The following VWC2L variants were observed in gnomAD, a reference collection of about 807,000 sequenced individuals.
The protein encoded by VWC2L is von Willebrand factor C domain containing 2 like.
In VWC2L, 10 loss-of-function variants were observed where a neutral mutation model predicts 21.6. The ratio of observed to expected loss-of-function variants is 0.46; its 90% confidence interval spans 0.29 to 0.78. VWC2L has a LOEUF of 0.78. Among genes scored for constraint, VWC2L ranks in the 30% least tolerant of loss-of-function variants. VWC2L has a pLI of 0.10. For synonymous variants in VWC2L, 96 were observed against 94.3 expected (o/e 1.02, Z -0.10); for missense variants, 209 against 277.1 (o/e 0.75, Z 1.74).
At chr2:214,506,790 AT>A (rs1285503240) in intron 3 of VWC2L, among the ~76,000 whole-genome samples, 2 of 152,162 alleles carry the variant, frequency 1.3e-5, no homozygotes, top group African/African-American at 4.8e-5. Flanking sequence ...CAATAAAAAT[AT>A]TTCTAAAGAT....
At chr2:214,414,607 TTGAAA>T in intron 2 of VWC2L, 24 bp downstream of exon 2, 2 of 1,598,432 alleles carry the variant, frequency 1.3e-6, no homozygotes, top group Non-Finnish European at 1.7e-6. Flanking sequence ...TCCATATTTA[TTGAAA>T]TATCAACTTT....
intron 3 of VWC2L, among the ~76,000 whole-genome samples, chr2:214,527,795 A>G (rs1243672831): frequency 6.6e-6 from 1 of 152,340 alleles, no homozygotes; most frequent in East Asian, 1.9e-4. Context: ...GACATTAAGT[A>G]ATACATTAAT....
chr2:214,530,496 T>C lies in VWC2L; in HGVS notation c.521-45176T>C, dbSNP rs1005194485. ...CCCATGGCAGCTGATCCTTTATTAA[T>C]AACACATTCTTAGCACTGACAAAGC... On this transcript the variant is annotated intron_variant, in intron 3 of 3. Transcript: ENST00000312504. Among the ~76,000 whole-genome samples the C allele has an allele frequency of 2.6e-5, 4 of 152,162 alleles. 1 individual carries two copies. Among genetic ancestry groups the C allele is most frequent in the Admixed American group, 1.3e-4 (2 of 15,268 alleles).
chr2:214,500,670 G>T (rs187592343), intron 3 of VWC2L, among the ~76,000 whole-genome samples: 1 of 152,330 alleles, frequency 6.6e-6, no homozygotes, highest in East Asian at 1.9e-4. Context: ...TGCAAAAAAG[G>T]CTAGAAAATG....
intron 3 of VWC2L, among the ~76,000 whole-genome samples, chr2:214,452,430 C>T (rs1307654371): frequency 6.6e-6 from 1 of 152,174 alleles, no homozygotes; most frequent in African/African-American, 2.4e-5. Context: ...CATGCTGTGG[C>T]ATGTATCAAT....
At chr2:214,490,621 AAG>A (rs1688732827) in intron 3 of VWC2L, among the ~76,000 whole-genome samples, 2 of 152,182 alleles carry the variant, frequency 1.3e-5, no homozygotes, top group African/African-American at 2.4e-5. Flanking sequence ...TTGGACCAAA[AAG>A]AGAGTACAAA....
At chr2:214,421,505 A>T (rs1702439309) in intron 2 of VWC2L, among the ~76,000 whole-genome samples, 1 of 152,110 alleles carries the variant, frequency 6.6e-6, no homozygotes, top group Non-Finnish European at 1.5e-5. Flanking sequence ...AATGGTGATA[A>T]CTGTGTGACA....
At chr2:214,526,898 C>A (rs1689347885) in intron 3 of VWC2L, among the ~76,000 whole-genome samples, 1 of 152,192 alleles carries the variant, frequency 6.6e-6, no homozygotes, top group African/African-American at 2.4e-5. Context: ...CAAGAAGACA[C>A]ATACACTCAT....
chr2:214,547,601 G>A (rs1019101043), intron 3 of VWC2L, among the ~76,000 whole-genome samples: 5 of 152,078 alleles, frequency 3.3e-5, no homozygotes, highest in East Asian at 1.9e-4. Flanking sequence ...TAGATCAAGC[G>A]AGCAACACTT....
At chr2:214,569,504 C>G (rs1690117745) in intron 3 of VWC2L, among the ~76,000 whole-genome samples, 1 of 152,170 alleles carries the variant, frequency 6.6e-6, no homozygotes, top group African/African-American at 2.4e-5. Context: ...TAAAAACACC[C>G]ACCATGGCCA....
In VWC2L at chr2:214,532,390, A is replaced by G. The variant is rs920703265; in HGVS notation, c.521-43282A>G. Among the ~76,000 whole-genome samples, 4 of 151,548 alleles carry G rather than the reference A, an allele frequency of 2.6e-5. No homozygotes were observed. In the East Asian group the frequency reaches 7.8e-4, roughly 29 times the overall value. Reference sequence around the variant, plus strand: ...TTTTCTGATAAATGTACTATGGAAAAAAAAGTCATTTTATTGCTATCACAC... The same window carrying G: ...TTTTCTGATAAATGTACTATGGAAAGAAAAGTCATTTTATTGCTATCACAC... On this transcript the variant is annotated intron_variant, in intron 3 of 3. Transcript: ENST00000312504.
At chr2:214,413,653 C>G (rs891427615) in intron 1 of VWC2L, among the ~76,000 whole-genome samples, 4 of 152,132 alleles carry the variant, frequency 2.6e-5, no homozygotes, top group African/African-American at 9.6e-5. Context: ...GGTTTATTCC[C>G]TTTCCTTTAG....
At chr2:214,472,107 G>T (rs1703317589) in intron 3 of VWC2L, 1 of 152,162 alleles carries the variant, frequency 6.6e-6, no homozygotes. Context: ...GTAGGGAAAA[G>T]GGAAAGGGAT....
chr2:214,456,280 CTGA>C (rs1432290850), intron 3 of VWC2L, among the ~76,000 whole-genome samples: 2 of 152,026 alleles, frequency 1.3e-5, no homozygotes, highest in Non-Finnish European at 2.9e-5. Flanking sequence ...TTGAATTTTC[CTGA>C]TGATTAGTGA....
intron 3 of VWC2L, among the ~76,000 whole-genome samples, chr2:214,498,156 A>T (rs904522995): frequency 3.3e-5 from 5 of 152,130 alleles, no homozygotes; most frequent in Admixed American, 6.6e-5. Flanking sequence ...GGGCCTGGCC[A>T]TTTATCACTC....
intron 3 of VWC2L, among the ~76,000 whole-genome samples, chr2:214,490,654 A>C (rs1559306702): frequency 6.6e-6 from 1 of 152,202 alleles, no homozygotes; most frequent in Non-Finnish European, 1.5e-5. Context: ...CCCCAGCTGA[A>C]ACCCTTGAAA....
intron 3 of VWC2L, among the ~76,000 whole-genome samples, chr2:214,447,935 C>T (rs1178879573): frequency 2.0e-5 from 3 of 151,990 alleles, no homozygotes; most frequent in Non-Finnish European, 4.4e-5. Context: ...TAGGACTGAT[C>T]TCATGATGCC....
chr2:214,521,236 T>C (rs1365546542), intron 3 of VWC2L, among the ~76,000 whole-genome samples: 2 of 17,760 alleles, frequency 1.1e-4, no homozygotes, highest in Admixed American at 5.5e-4. Context: ...ATCTCAAAGA[T>C]AAATAAATAA....
chr2:214,464,444 T>G (rs1703187117), intron 3 of VWC2L, among the ~76,000 whole-genome samples: 1 of 152,244 alleles, frequency 6.6e-6, no homozygotes, highest in African/African-American at 2.4e-5. Context: ...GAGAATTTCC[T>G]GGATTACCAG....
Sources: allele counts gnomAD v4.1 joint callset (sites outside exome capture counted in the v4.1 genomes callset), GRCh38; gene constraint gnomAD v4.1.1; transcripts MANE v1.5; gene names NCBI Gene and HGNC (gene_info 2026-07-23, HGNC 2026-07-21).